The following ROBO1 variants were observed in gnomAD, a reference collection of about 807,000 sequenced individuals.
ROBO1 encodes roundabout guidance receptor 1, also known as roundabout homolog 1.
ROBO1 carries 149 observed loss-of-function variants against 195.9 expected under a neutral mutation model. That is an observed-to-expected ratio of 0.76 (90% CI 0.67 to 0.87). The LOEUF (loss-of-function observed/expected upper bound fraction) is 0.87. Ranked by LOEUF, ROBO1 falls within the 40% of genes least tolerant of loss-of-function variation. The pLI is 0.00. For synonymous variants in ROBO1, 816 were observed against 733.2 expected, an observed-to-expected ratio of 1.11 and a Z score of -1.82; for missense variants, 1,933 against 2,068.3, an observed-to-expected ratio of 0.93 and a Z score of 1.27.
At chr3:78,878,602 A>AAC (rs2035996530) in intron 4 of ROBO1, among the ~76,000 whole-genome samples, 1 of 151,184 alleles carries the variant, frequency 6.6e-6, no homozygotes, top group African/African-American at 2.4e-5. Flanking sequence ...AAAAAAAAAA[A>AAC]AAAAAACTGC....
At chr3:78,937,640 C>T (rs1402633708) in intron 4 of ROBO1, among the ~76,000 whole-genome samples, 2 of 152,040 alleles carry the variant, frequency 1.3e-5, no homozygotes, top group South Asian at 2.1e-4. Flanking sequence ...CCTATAGATA[C>T]AACAGTTTAA....
chr3:79,345,069 T>C (rs919396626), intron 2 of ROBO1, among the ~76,000 whole-genome samples: 2 of 152,168 alleles, frequency 1.3e-5, no homozygotes, highest in Non-Finnish European at 2.9e-5. Flanking sequence ...TATTTCCTTA[T>C]AGCAGTGTGA....
At chr3:78,972,925 A>C (rs2076800741) in intron 3 of ROBO1, among the ~76,000 whole-genome samples, 1 of 152,208 alleles carries the variant, frequency 6.6e-6, no homozygotes, top group South Asian at 2.1e-4. Flanking sequence ...TGAGATGCCA[A>C]GCATCATGTT....
chr3:79,026,953 A>G (rs1180282752), intron 3 of ROBO1, among the ~76,000 whole-genome samples: 2 of 152,026 alleles, frequency 1.3e-5, no homozygotes, highest in African/African-American at 4.8e-5. Flanking sequence ...ATTGACATAC[A>G]TATGTTGGGA....
chr3:78,689,714 T>C (rs572035093), intron 8 of ROBO1, among the ~76,000 whole-genome samples: 23 of 152,182 alleles, frequency 1.5e-4, no homozygotes, highest in Middle Eastern at 6.8e-3. Flanking sequence ...CGACATTTAA[T>C]AGTTTCTACA....
rs191381037 is a variant in ROBO1, at chr3:78,644,264, G to A, written c.2882+1884C>T. Among the ~76,000 whole-genome samples the A allele has an allele frequency of 7.0e-4, 107 of 152,110 alleles. 1 individual carries two copies. The highest frequency in any genetic ancestry group is 2.9e-4 in the Non-Finnish European group (20 of 67,986). ...TATCAACTGCTGATATTGTACAGCT[G>A]ACTTTTTAAAAAAATGTTTATTATT... is the stretch of plus-strand genomic sequence containing the variant. On this transcript the variant is annotated intron_variant, in intron 21 of 30. Coordinates refer to ENST00000464233, the MANE Select transcript of ROBO1 (RefSeq NM_002941.4).
chr3:79,601,274 C>T (rs951623554), intron 1 of ROBO1, among the ~76,000 whole-genome samples: 3 of 151,806 alleles, frequency 2.0e-5, no homozygotes, highest in East Asian at 3.9e-4. Context: ...TGGTTTCATT[C>T]GGATGGGATT....
chr3:79,586,043 C>T (rs548061490), intron 2 of ROBO1, among the ~76,000 whole-genome samples: 2 of 151,908 alleles, frequency 1.3e-5, no homozygotes, highest in South Asian at 4.1e-4. Flanking sequence ...TAAAGTATCC[C>T]GAAAGAAATT....
rs149986365 is a variant in ROBO1 at position 79,481,393 on chromosome 3, G to A, written c.88+108431C>T. Among the ~76,000 whole-genome samples the A allele has an allele frequency of 1.5e-3, 227 of 152,194 alleles. 1 individual carries two copies. The highest frequency in any genetic ancestry group is 3.4e-3 in the Middle Eastern group (1 of 294). Reference sequence around the variant, plus strand: ...AATAAAAAATAAAATCCAGGTATAAGTGCACAATTTATCAATGACTTCATC... The same window carrying A: ...AATAAAAAATAAAATCCAGGTATAAATGCACAATTTATCAATGACTTCATC... On this transcript the variant is annotated intron_variant, in intron 2 of 30. Transcript: ENST00000464233.
intron 2 of ROBO1, among the ~76,000 whole-genome samples, chr3:79,351,612 A>G (rs952640211): frequency 1.1e-4 from 17 of 152,146 alleles, no homozygotes; most frequent in Non-Finnish European, 1.9e-4. Flanking sequence ...TTCTTTGCCT[A>G]TAAGATTTTT....
At chr3:79,351,384 T>C (rs1451649692) in intron 2 of ROBO1, among the ~76,000 whole-genome samples, 1 of 152,206 alleles carries the variant, frequency 6.6e-6, no homozygotes, top group Non-Finnish European at 1.5e-5. Context: ...TTCTTTTAAA[T>C]GTCAAACACT....
intron 1 of ROBO1, among the ~76,000 whole-genome samples, chr3:79,620,146 T>A (rs1170567021): frequency 6.6e-6 from 1 of 152,190 alleles, no homozygotes; most frequent in East Asian, 1.9e-4. Flanking sequence ...GGATTCCTCC[T>A]AAGCTGTGTC....
At chr3:78,871,641 C>T (rs1448917425) in intron 4 of ROBO1, among the ~76,000 whole-genome samples, 1 of 147,292 alleles carries the variant, frequency 6.8e-6, no homozygotes, top group African/African-American at 2.5e-5. Flanking sequence ...TCTGTTTTTA[C>T]AATGTGTGAA....
intron 1 of ROBO1, among the ~76,000 whole-genome samples, chr3:79,720,344 G>C (rs1361585133): frequency 1.3e-5 from 2 of 152,132 alleles, no homozygotes; most frequent in Admixed American, 1.3e-4. Flanking sequence ...TAAGCTACTA[G>C]TAGCCTTTTG....
At chr3:79,658,981 C>T (rs1946250640) in intron 1 of ROBO1, among the ~76,000 whole-genome samples, 1 of 151,974 alleles carries the variant, frequency 6.6e-6, no homozygotes, top group Admixed American at 6.6e-5. Context: ...GTGGTTCACC[C>T]ACCTCAGACT....
At position 79,162,183 on chromosome 3, in the gene ROBO1, A is replaced by T. The variant is rs1024292724; in HGVS notation, c.89-36644T>A. Reference sequence around the variant, plus strand: ...TGCTTCTTGGACAGTAAAATTGGAAAGGAGTTCCTTGACTATTTGTCAGGG... The same window carrying T: ...TGCTTCTTGGACAGTAAAATTGGAATGGAGTTCCTTGACTATTTGTCAGGG... On this transcript the variant is annotated intron_variant, in intron 2 of 30. Coordinates refer to ENST00000464233, the MANE Select transcript of ROBO1 (RefSeq NM_002941.4). Among the ~76,000 whole-genome samples the T allele has an allele frequency of 4.7e-4, 72 of 152,140 alleles. 1 individual carries two copies. The highest frequency in any genetic ancestry group is 4.4e-5 in the Non-Finnish European group (3 of 68,012).
chr3:79,252,700 A>C (rs1188845840), intron 2 of ROBO1, among the ~76,000 whole-genome samples: 2 of 152,164 alleles, frequency 1.3e-5, no homozygotes, highest in African/African-American at 4.8e-5. Flanking sequence ...AGGTAAGTGA[A>C]AGTCTGGAAG....
At chr3:79,074,717 T>C (rs1040109458) in intron 3 of ROBO1, among the ~76,000 whole-genome samples, 2 of 151,740 alleles carry the variant, frequency 1.3e-5, no homozygotes, top group African/African-American at 2.4e-5. Flanking sequence ...GGATGGGCCA[T>C]TGCACCTGGG....
At chr3:79,408,157 G>T (rs1330006693) in intron 2 of ROBO1, among the ~76,000 whole-genome samples, 1 of 151,948 alleles carries the variant, frequency 6.6e-6, no homozygotes, top group Non-Finnish European at 1.5e-5. Flanking sequence ...GGCCGAGGTT[G>T]TGGTGAGCTG....
Sources: allele counts gnomAD v4.1 joint callset (sites outside exome capture counted in the v4.1 genomes callset), GRCh38; gene constraint gnomAD v4.1.1; transcripts MANE v1.5; gene names NCBI Gene and HGNC (gene_info 2026-07-23, HGNC 2026-07-21).